CDH8: variants seen among roughly 807,000 people sequenced by gnomAD.
CDH8 encodes the protein cadherin-8.
Under a neutral mutation model 68.1 loss-of-function variants are expected in CDH8, and 17 were observed. That is an observed-to-expected ratio of 0.25 (90% CI 0.17 to 0.37). The LOEUF is 0.37. Ranked by LOEUF, CDH8 falls within the 10% of genes least tolerant of loss-of-function variation. CDH8 has a pLI of 1.00. For missense variants in CDH8, 763 were observed against 999.3 expected (o/e 0.76, Z 3.19); for synonymous variants, 372 against 365.1 (o/e 1.02, Z -0.21).
intron 8 of CDH8, among the ~76,000 whole-genome samples, chr16:61,766,995 G>C (rs1960612573): frequency 6.6e-6 from 1 of 151,892 alleles, no homozygotes. Flanking sequence ...TGCAGCAAAA[G>C]GAGAGAATGG....
chr16:61,669,436 T>A (rs1963747132), intron 10 of CDH8, among the ~76,000 whole-genome samples: 1 of 152,066 alleles, frequency 6.6e-6, no homozygotes, highest in African/African-American at 2.4e-5. Flanking sequence ...GCAGAAAGTT[T>A]GCCTTTTTAG....
intron 10 of CDH8, among the ~76,000 whole-genome samples, chr16:61,670,389 G>A (rs1462157806): frequency 6.6e-6 from 1 of 152,048 alleles, no homozygotes; most frequent in South Asian, 2.1e-4. Context: ...AAATGAATAT[G>A]AGAGGGTGAA....
Position 61,650,883 on chromosome 16 carries a change from CTG to C in CDH8, c.*2723_*2724del, listed in dbSNP as rs1341355309. 2 of 152,030 alleles carry C rather than the reference CTG, an allele frequency of 1.3e-5. No individual in the cohort carries two copies. The highest frequency in any genetic ancestry group is 3.9e-4 in the East Asian group (2 of 5,164). The allele number at this position is 152,030 out of a possible 1,614,324, so 9.4% of individuals were successfully genotyped here. A position where few individuals can be genotyped will look rare whatever the true frequency, so the allele number is the denominator to read the frequency against. Reference sequence around the variant, plus strand: ...GGCTTTTAAACACAAAATGCTGACACTGTGGTGGCAAAGAAAGTCAGCAAGAG... The same window carrying C: ...GGCTTTTAAACACAAAATGCTGACACTGGTGGCAAAGAAAGTCAGCAAGAG... On this transcript the variant is annotated 3_prime_UTR_variant, in exon 12 of 12. Transcript: ENST00000577390.
intron 2 of CDH8, among the ~76,000 whole-genome samples, chr16:61,948,902 T>A (rs1191845945): frequency 6.6e-6 from 1 of 152,092 alleles, no homozygotes; most frequent in Non-Finnish European, 1.5e-5. Flanking sequence ...GAGGTGAAAG[T>A]GGAGAAGAGA....
At chr16:61,765,463 C>G (rs1402797570) in intron 8 of CDH8, among the ~76,000 whole-genome samples, 18 of 151,908 alleles carry the variant, frequency 1.2e-4, no homozygotes, top group Non-Finnish European at 1.5e-5. Flanking sequence ...CAGCTTTACC[C>G]CACATCTGTT....
At chr16:61,660,009 G>A (rs924549997) in intron 10 of CDH8, among the ~76,000 whole-genome samples, 1 of 152,110 alleles carries the variant, frequency 6.6e-6, no homozygotes, top group Non-Finnish European at 1.5e-5. Flanking sequence ...GGCAATCAAG[G>A]AGAGCCCTGC....
intron 9 of CDH8, among the ~76,000 whole-genome samples, chr16:61,718,368 AAT>A (rs931264822): frequency 6.6e-6 from 1 of 151,438 alleles, no homozygotes; most frequent in Non-Finnish European, 1.5e-5. Context: ...AGGCTTCTAG[AAT>A]ATATGTCTAT....
At chr16:61,801,573 G>A (rs1347804178) in intron 7 of CDH8, among the ~76,000 whole-genome samples, 2 of 152,190 alleles carry the variant, frequency 1.3e-5, no homozygotes, top group African/African-American at 4.8e-5. Flanking sequence ...TCTCACTAGG[G>A]AGTGCCAGAC....
intron 1 of CDH8, among the ~76,000 whole-genome samples, chr16:62,026,961 T>C (rs1902211316): frequency 6.6e-6 from 1 of 152,242 alleles, no homozygotes; most frequent in South Asian, 2.1e-4. Context: ...ATACACAAAC[T>C]GCTTAACTTG....
At chr16:61,965,938 A>G (rs75201215) in intron 2 of CDH8, among the ~76,000 whole-genome samples, 3,171 of 152,266 alleles carry the variant, frequency 0.021, 86 homozygotes, top group African/African-American at 0.065. Flanking sequence ...CCTGACAACT[A>G]ATTGTTCTGG....
At chr16:61,686,905 A>G (rs962064697) in intron 10 of CDH8, among the ~76,000 whole-genome samples, 1 of 151,948 alleles carries the variant, frequency 6.6e-6, no homozygotes, top group Non-Finnish European at 1.5e-5. Flanking sequence ...TTTTGAAACA[A>G]CAGAAAAATA....
At chr16:61,885,571 G>A (rs567003134) in intron 3 of CDH8, among the ~76,000 whole-genome samples, 4 of 152,196 alleles carry the variant, frequency 2.6e-5, no homozygotes. Context: ...CTCTTAAGAC[G>A]GATACTGGTA....
intron 10 of CDH8, among the ~76,000 whole-genome samples, chr16:61,655,922 G>T (rs946472825): frequency 6.7e-6 from 1 of 149,410 alleles, no homozygotes; most frequent in African/African-American, 2.5e-5. Flanking sequence ...ACCCAGGCTG[G>T]AGTGCAGTGG....
chr16:61,749,512 G>T (rs1481697823), intron 8 of CDH8, among the ~76,000 whole-genome samples: 1 of 152,130 alleles, frequency 6.6e-6, no homozygotes, highest in African/African-American at 2.4e-5. Flanking sequence ...ATTCCATCTG[G>T]AGAAAAATTT....
At chr16:61,957,083 G>T (rs938879487) in intron 2 of CDH8, among the ~76,000 whole-genome samples, 1 of 152,080 alleles carries the variant, frequency 6.6e-6, no homozygotes, top group African/African-American at 2.4e-5. Flanking sequence ...TAGTAGAAAT[G>T]GTTATATATT....
At chr16:61,934,430 T>C (rs1432785168) in intron 2 of CDH8, among the ~76,000 whole-genome samples, 1 of 152,136 alleles carries the variant, frequency 6.6e-6, no homozygotes, top group Non-Finnish European at 1.5e-5. Context: ...TATGTAAAGA[T>C]TGTGGAGGGA....
At chr16:61,776,455 T>G (rs909455773) in intron 8 of CDH8, among the ~76,000 whole-genome samples, 1 of 152,128 alleles carries the variant, frequency 6.6e-6, no homozygotes, top group African/African-American at 2.4e-5. Flanking sequence ...TGACTTTGGT[T>G]TTGGATGAAG....
intron 3 of CDH8, among the ~76,000 whole-genome samples, chr16:61,862,724 G>C (rs1266508498): frequency 6.6e-6 from 1 of 152,206 alleles, no homozygotes; most frequent in Non-Finnish European, 1.5e-5. Flanking sequence ...AAGATTGCTA[G>C]TCAAGCAGCA....
intron 2 of CDH8, among the ~76,000 whole-genome samples, chr16:61,923,091 C>A (rs149955935): frequency 1.3e-5 from 2 of 152,012 alleles, no homozygotes; most frequent in Non-Finnish European, 2.9e-5. Context: ...GCTTATTGAC[C>A]GGTAACAAAA....
Sources: allele counts gnomAD v4.1 joint callset (sites outside exome capture counted in the v4.1 genomes callset), GRCh38; gene constraint gnomAD v4.1.1; transcripts MANE v1.5; gene names NCBI Gene and HGNC (gene_info 2026-07-23, HGNC 2026-07-21).